STK31: variants seen among roughly 807,000 people sequenced by gnomAD.
STK31 encodes serine/threonine-protein kinase 31.
A neutral mutation model predicts 129.7 loss-of-function variants in STK31; 89 were observed. That is an observed-to-expected ratio of 0.69 (90% confidence interval 0.58 to 0.82). The LOEUF (loss-of-function observed/expected upper bound fraction) is 0.82, where lower values mean the gene tolerates loss of function less well. Among genes scored for constraint, STK31 ranks in the 40% least tolerant of loss-of-function variants. The probability of loss-of-function intolerance (pLI) is 0.00; values close to 1 mark genes in which losing one functional copy is unlikely to be tolerated. For synonymous variants in STK31, 448 were observed against 395.3 expected (o/e 1.13, Z -1.58); for missense variants, 1,187 against 1,176.4 (o/e 1.01, Z -0.13).
In STK31 at chr7:23,786,847, A is replaced by G. The variant is rs373913070; in HGVS notation, c.2410A>G (p.Met804Val). ...CTGTTTTGCTTCTTAGTCTGATCCT[A>G]TGGCTTATCTGATGGTCCCATACTA... ...IFLFLCKSDP[M>V]AYLMVPYYPR... The change falls in exon 20 of 24, where the codon ATG becomes GTG. Residue 804 changes from methionine to valine, a missense_variant. Met to Val is a conservative substitution (Grantham distance 21, BLOSUM62 1). Transcript: ENST00000355870. The G allele has an allele frequency of 1.1e-5, 17 of 1,613,454 alleles. No homozygotes were observed. The highest frequency in any genetic ancestry group is 8.0e-5 in the African/African-American group (6 of 74,886).
At chr7:23,821,456 A>G (rs1304784033) in intron 23 of STK31, among the ~76,000 whole-genome samples, 1 of 152,138 alleles carries the variant, frequency 6.6e-6, no homozygotes, top group African/African-American at 2.4e-5. Context: ...GGTCATTTGT[A>G]TGCCTTCTTT....
intron 6 of STK31, among the ~76,000 whole-genome samples, chr7:23,732,421 A>T (rs1177281113): frequency 1.3e-5 from 2 of 152,226 alleles, no homozygotes; most frequent in African/African-American, 4.8e-5. Flanking sequence ...AAGAGAAAAC[A>T]TACATATTTT....
intron 22 of STK31, among the ~76,000 whole-genome samples, chr7:23,800,510 C>T (rs1449077376): frequency 9.2e-5 from 14 of 151,972 alleles, no homozygotes; most frequent in Admixed American, 7.9e-4. Context: ...CATGTTCTCA[C>T]TCATAAGTGA....
chr7:23,737,901 G>A (rs1335691349), intron 8 of STK31, among the ~76,000 whole-genome samples: 2 of 151,048 alleles, frequency 1.3e-5, no homozygotes, highest in East Asian at 3.9e-4. Context: ...GTGTATGTGT[G>A]TTTAACACCA....
intron 22 of STK31, among the ~76,000 whole-genome samples, chr7:23,812,317 A>G (rs1793186804): frequency 6.7e-6 from 1 of 150,030 alleles, no homozygotes; most frequent in Non-Finnish European, 1.5e-5. Flanking sequence ...CATACAAGGT[A>G]GTATTTCTTA....
chr7:23,735,924 A>G lies in STK31; in HGVS notation c.842+28A>G, dbSNP rs750915379. On this transcript the variant is annotated intron_variant, in intron 7 of 23. Transcript: ENST00000355870. ...AAGAATTTAGTCTTCACTAATTTCT[A>G]ATTGATGGTAGAGGTCCCTGTCATA... 9.3e-6 allele frequency: 14 copies of G among 1,507,216 alleles called. 1 individual carries two copies. The highest frequency in any genetic ancestry group is 3.9e-5 in the South Asian group (3 of 77,072). The allele number at this position is 1,507,216 out of a possible 1,614,324, so 93.4% of individuals were successfully genotyped here.
chr7:23,752,125 A>C (rs1788748112), intron 8 of STK31, among the ~76,000 whole-genome samples: 1 of 152,150 alleles, frequency 6.6e-6, no homozygotes, highest in African/African-American at 2.4e-5. Context: ...TAAAATGATA[A>C]ATTTTATGTT....
intron 17 of STK31, 79 bp from the exon 18 acceptor site, chr7:23,785,399 C>T (rs1428006975): frequency 2.5e-5 from 39 of 1,556,116 alleles, no homozygotes; most frequent in Admixed American, 3.5e-5. Context: ...CATTTAATAT[C>T]GTGTAACTAA....
chr7:23,799,057 G>C (rs1310845325), intron 22 of STK31, among the ~76,000 whole-genome samples: 4 of 152,068 alleles, frequency 2.6e-5, no homozygotes, highest in African/African-American at 9.7e-5. Context: ...ACCTCTTCAA[G>C]AAGAATTACA....
chr7:23,710,461 C>G, intron 1 of STK31, 126 bp downstream of exon 1: 1 of 1,556,314 alleles, frequency 6.4e-7, no homozygotes, highest in East Asian at 2.3e-5. Context: ...CACCTTCTAG[C>G]CGCCCGCCAC....
At chr7:23,747,798 C>G (rs898027765) in intron 8 of STK31, among the ~76,000 whole-genome samples, 2 of 152,246 alleles carry the variant, frequency 1.3e-5, no homozygotes, top group Admixed American at 1.3e-4. Context: ...TCCATTGGAT[C>G]TGTACTGATG....
intron 6 of STK31, among the ~76,000 whole-genome samples, chr7:23,730,878 A>ATATATATATATATTTTTTTT: frequency 1.7e-5 from 1 of 59,550 alleles, no homozygotes; most frequent in Non-Finnish European, 3.3e-5. Flanking sequence ...ATATATATAT[A>ATATATATATATATTTTTTTT]TTTTTTTTTT....
At chr7:23,792,303 T>C (rs1791667265) in intron 22 of STK31, among the ~76,000 whole-genome samples, 1 of 152,330 alleles carries the variant, frequency 6.6e-6, no homozygotes, top group South Asian at 2.1e-4. Context: ...TTAATTTCAA[T>C]ATAATTGTGT....
chr7:23,818,643 A>C (rs1013759362), intron 23 of STK31, among the ~76,000 whole-genome samples: 1 of 148,398 alleles, frequency 6.7e-6, no homozygotes. Flanking sequence ...ACAAAAAGCA[A>C]CAAAAAAATA....
chr7:23,718,799 C>T (rs775291904), intron 4 of STK31, among the ~76,000 whole-genome samples: 13 of 151,906 alleles, frequency 8.6e-5, no homozygotes, highest in East Asian at 1.9e-4. Context: ...ATGAAACTGC[C>T]GTGAAATCCT....
At chr7:23,804,372 C>G (rs1792562896) in intron 22 of STK31, among the ~76,000 whole-genome samples, 1 of 152,100 alleles carries the variant, frequency 6.6e-6, no homozygotes, top group Non-Finnish European at 1.5e-5. Flanking sequence ...AGTAGCTTAT[C>G]TATCTTGTTT....
chr7:23,783,164 C>G (rs1312603235), intron 16 of STK31, among the ~76,000 whole-genome samples: 2 of 152,124 alleles, frequency 1.3e-5, no homozygotes, highest in Non-Finnish European at 2.9e-5. Flanking sequence ...ACAGAAACAG[C>G]TATATTGGTT....
Position 23,771,022 on chromosome 7 carries a change from C to G in STK31, c.1731C>G (p.Asp577Glu). 6.2e-7 allele frequency: 1 copy of G among 1,610,638 alleles called. No homozygotes were observed. Among genetic ancestry groups the G allele is most frequent in the Non-Finnish European group, 8.5e-7 (1 of 1,178,550 alleles). Reference protein sequence around the residue: ...EIALVDQGDADKEIISNTYSQ... With the variant: ...EIALVDQGDAEKEIISNTYSQ... ...TCATTTAGGATCAAGGTGATGCAGA[C>G]AAGGAGATAATTTCAAATACATATA... Residue 577 changes from aspartate to glutamate, a missense_variant, in exon 14 of 24, where the codon GAC (aspartate) becomes GAG (glutamate). Asp to Glu is a conservative substitution (Grantham distance 45). This residue lies in a region of STK31 where 975 missense variants were observed against 934.9 expected (regional missense o/e 1.04). Transcript: ENST00000355870.
At chr7:23,747,322 T>C (rs1562568179) in intron 8 of STK31, among the ~76,000 whole-genome samples, 1 of 152,168 alleles carries the variant, frequency 6.6e-6, no homozygotes, top group Non-Finnish European at 1.5e-5. Context: ...AGGTTATTAA[T>C]GGTTGATTCA....
Sources: allele counts gnomAD v4.1 joint callset (sites outside exome capture counted in the v4.1 genomes callset), GRCh38; gene constraint gnomAD v4.1.1; regional missense constraint gnomAD v4.1.1; transcripts MANE v1.5; gene names NCBI Gene and HGNC (gene_info 2026-07-23, HGNC 2026-07-21).